The following PTPRN2 variants were observed in gnomAD, a reference collection of about 807,000 sequenced individuals.
PTPRN2 encodes receptor-type tyrosine-protein phosphatase N2.
Under a neutral mutation model 118.8 loss-of-function variants are expected in PTPRN2, and 74 were observed. The observed-to-expected ratio is 0.62, with a 90% confidence interval of 0.52 to 0.76. The LOEUF is 0.76. PTPRN2 is among the 30% of genes least tolerant of loss of function. PTPRN2 has a pLI of 0.00. For synonymous variants in PTPRN2, 641 were observed against 608.0 expected, an observed-to-expected ratio of 1.05 and a Z score of -0.80; for missense variants, 1,481 against 1,394.4, an observed-to-expected ratio of 1.06 and a Z score of -0.99.
chr7:158,186,343 G>A (rs1234408269), intron 5 of PTPRN2, among the ~76,000 whole-genome samples: 1 of 152,098 alleles, frequency 6.6e-6, no homozygotes, highest in Non-Finnish European at 1.5e-5. Context: ...GTTGGGGTGG[G>A]AGGGGGATAG....
At chr7:158,400,351 G>A (rs1203352437) in intron 2 of PTPRN2, among the ~76,000 whole-genome samples, 2 of 152,116 alleles carry the variant, frequency 1.3e-5, no homozygotes, top group Non-Finnish European at 2.9e-5. Flanking sequence ...GGCTGGAGCA[G>A]CATTCTGGCT....
rs529686059 is a variant in PTPRN2 at position 157,686,604 on chromosome 7, G to C, written c.1789-3667C>G. 3.6e-4 allele frequency among the ~76,000 whole-genome samples: 55 copies of C among 152,312 alleles called. 1 individual carries two copies. The highest frequency in any genetic ancestry group is 3.5e-3 in the South Asian group (17 of 4,832). On this transcript the variant is annotated intron_variant, in intron 12 of 22. Coordinates refer to ENST00000389418, the MANE Select transcript of PTPRN2 (RefSeq NM_002847.5). ...GCGGGTGGACCCCAAAGAGAGCCCA[G>C]ACTAATTAGAGGCATCTTATCAGTC...
intron 2 of PTPRN2, among the ~76,000 whole-genome samples, chr7:158,337,386 GAGGTAACACCTGCAGACGTCCCTCACA>G: frequency 9.8e-6 from 1 of 101,866 alleles, no homozygotes; most frequent in South Asian, 3.4e-4. Flanking sequence ...CTCACCATAA[GAGGTAACACCTGCAGACGTCCCTCACA>G]CCCACACTCT....
At chr7:157,634,158 T>C (rs1011281557) in intron 14 of PTPRN2, among the ~76,000 whole-genome samples, 1 of 152,188 alleles carries the variant, frequency 6.6e-6, no homozygotes, top group Non-Finnish European at 1.5e-5. Context: ...TTCAGCTCTT[T>C]AGCTTGCAAA....
intron 17 of PTPRN2, among the ~76,000 whole-genome samples, chr7:157,582,677 C>A (rs1321170623): frequency 6.6e-6 from 1 of 151,496 alleles, no homozygotes. Context: ...AGTTCGAGAC[C>A]AGCCTGACCA....
intron 3 of PTPRN2, among the ~76,000 whole-genome samples, chr7:158,236,610 C>T (rs192794516): frequency 1.1e-4 from 16 of 152,164 alleles, no homozygotes; most frequent in South Asian, 2.1e-4. Context: ...GCCGTGAAGA[C>T]GTGATGGCAC....
chr7:158,381,152 C>A (rs559820783), intron 2 of PTPRN2, among the ~76,000 whole-genome samples: 3 of 152,236 alleles, frequency 2.0e-5, no homozygotes, highest in African/African-American at 7.2e-5. Flanking sequence ...CAGGGATTCA[C>A]ATTTGGCTCC....
chr7:158,058,057 C>T (rs1320477076), intron 11 of PTPRN2, among the ~76,000 whole-genome samples: 2 of 152,218 alleles, frequency 1.3e-5, no homozygotes, highest in African/African-American at 4.8e-5. Flanking sequence ...GTAAGTAAAT[C>T]TGCATAAAGA....
In PTPRN2 at chr7:157,656,452, G is replaced by C; in HGVS notation, c.2101C>G (p.Pro701Ala). 1.9e-6 allele frequency: 3 copies of C among 1,553,676 alleles called. No homozygotes were observed. Among genetic ancestry groups the C allele is most frequent in the Non-Finnish European group, 2.6e-6 (3 of 1,150,146 alleles). ...CTGCGTGCGGAGGGGCTGGGGATCG[G>C]CCCGTCGCTGAACTGGGATGAGACG... ...SSVSSQFSDG[P>A]IPSPSARSSA... is the part of the protein sequence containing the mutation. Residue 701 changes from proline (P) to alanine (A), a missense_variant, in exon 14 of 23, where the codon CCG becomes GCG. This residue lies in a region of PTPRN2 where 1,115 missense variants were observed against 994.2 expected (regional missense o/e 1.12). Coordinates refer to ENST00000389418, the MANE Select transcript of PTPRN2 (RefSeq NM_002847.5).
chr7:158,080,790 A>G (rs1361664105), intron 11 of PTPRN2, among the ~76,000 whole-genome samples: 1 of 152,138 alleles, frequency 6.6e-6, no homozygotes, highest in African/African-American at 2.4e-5. Context: ...AAACAGTGAA[A>G]CCGTCTGGAA....
intron 12 of PTPRN2, among the ~76,000 whole-genome samples, chr7:157,762,940 C>T (rs1212946036): frequency 6.6e-5 from 10 of 151,932 alleles, no homozygotes; most frequent in Admixed American, 2.0e-4. Flanking sequence ...GTGCTGGTGC[C>T]GGAGGCTAAC....
chr7:157,788,991 C>T lies in PTPRN2; in HGVS notation c.1789-106054G>A, dbSNP rs74411762. ...GAACGGAGCTCACGCCCCTTCCTGC[C>T]TCCATTTCCCAAGCTGTCACCGTAA... On this transcript the variant is annotated intron_variant, in intron 12 of 22. Transcript: ENST00000389418. Among the ~76,000 whole-genome samples the T allele has an allele frequency of 0.01, 1,563 of 152,350 alleles. 56 individuals carry two copies. The South Asian group carries it at 0.12, about 12-fold the overall frequency.
chr7:158,085,311 A>T (rs1317931339), intron 10 of PTPRN2, among the ~76,000 whole-genome samples: 3 of 114,508 alleles, frequency 2.6e-5, no homozygotes, highest in African/African-American at 1.1e-4. Flanking sequence ...ATCCACACCC[A>T]CGACGCCCAT....
At chr7:158,124,205 T>G (rs745636795) in intron 9 of PTPRN2, among the ~76,000 whole-genome samples, 3 of 152,218 alleles carry the variant, frequency 2.0e-5, no homozygotes, top group Non-Finnish European at 2.9e-5. Flanking sequence ...AGGCACAAGT[T>G]ACATAAAGAA....
chr7:157,981,392 C>T (rs369568451), intron 11 of PTPRN2, among the ~76,000 whole-genome samples: 1 of 152,010 alleles, frequency 6.6e-6, no homozygotes, highest in South Asian at 2.1e-4. Context: ...ACGGGTGAAA[C>T]TGCTCAAACT....
intron 1 of PTPRN2, among the ~76,000 whole-genome samples, chr7:158,506,464 C>T (rs1822753548): frequency 6.6e-6 from 1 of 152,126 alleles, no homozygotes. Flanking sequence ...CAGAGGCTTC[C>T]TGAGCCAAGC....
chr7:157,625,230 G>A (rs1178245263), intron 14 of PTPRN2, among the ~76,000 whole-genome samples: 1 of 152,172 alleles, frequency 6.6e-6, no homozygotes, highest in Non-Finnish European at 1.5e-5. Flanking sequence ...CCACTACTGG[G>A]TATTTACCTA....
At chr7:157,650,575 GC>G (rs1805586604) in intron 14 of PTPRN2, among the ~76,000 whole-genome samples, 1 of 152,300 alleles carries the variant, frequency 6.6e-6, no homozygotes, top group East Asian at 1.9e-4. Context: ...CAGCCGCGTG[GC>G]CCCAGAGTGA....
At chr7:157,757,827 C>T (rs1039681486) in intron 12 of PTPRN2, among the ~76,000 whole-genome samples, 1 of 152,214 alleles carries the variant, frequency 6.6e-6, no homozygotes, top group Non-Finnish European at 1.5e-5. Context: ...TTGAAAAGAG[C>T]CCCAGCTGCT....
Sources: gnomAD v4.1 joint callset for allele counts (sites outside exome capture counted in the v4.1 genomes callset) on GRCh38, gnomAD v4.1.1 for gene constraint, gnomAD v4.1.1 regional missense constraint, MANE v1.5 for transcripts, NCBI Gene and HGNC (gene_info 2026-07-23, HGNC 2026-07-21) for gene names.